Variants in TAFA1 observed in about 807,000 individuals in gnomAD.
TAFA1 encodes the protein TAFA chemokine like family member 1, also known as chemokine-like protein TAFA-1.
Under a neutral mutation model 18.5 loss-of-function variants are expected in TAFA1, and 4 were observed. The ratio of observed to expected loss-of-function variants is 0.22; its 90% CI spans 0.11 to 0.49. The LOEUF (loss-of-function observed/expected upper bound fraction) is 0.49. Ranked by LOEUF, TAFA1 falls within the 20% of genes least tolerant of loss-of-function variation. The pLI is 0.98. For synonymous variants in TAFA1, 56 were observed against 55.2 expected, an observed-to-expected ratio of 1.01 and a Z score of -0.06; for missense variants, 147 against 169.0, an observed-to-expected ratio of 0.87 and a Z score of 0.72.
intron 2 of TAFA1, among the ~76,000 whole-genome samples, chr3:68,121,616 A>G (rs2065399644): frequency 6.6e-6 from 1 of 152,160 alleles, no homozygotes; most frequent in Admixed American, 6.5e-5. Context: ...CTAATTCAAT[A>G]ACATGAGTTT....
chr3:68,257,883 C>T (rs1200096699), intron 2 of TAFA1, among the ~76,000 whole-genome samples: 1 of 152,122 alleles, frequency 6.6e-6, no homozygotes, highest in African/African-American at 2.4e-5. Flanking sequence ...CCTGATTTCA[C>T]CTCTGTGATT....
intron 3 of TAFA1, among the ~76,000 whole-genome samples, chr3:68,426,728 A>T (rs890054510): frequency 1.3e-5 from 2 of 151,938 alleles, no homozygotes; most frequent in African/African-American, 4.8e-5. Context: ...AAGATGATAA[A>T]TAGGAAATTT....
At chr3:68,512,677 GTTTT>G (rs771079407) in intron 3 of TAFA1, among the ~76,000 whole-genome samples, 35 of 110,108 alleles carry the variant, frequency 3.2e-4, no homozygotes, top group South Asian at 2.4e-3. Context: ...TTTTTTGCTG[GTTTT>G]TTGTTTGTTT....
At position 68,324,087 on chromosome 3, in the gene TAFA1, A is replaced by T. The variant is rs114719584; in HGVS notation, c.119-93193A>T. Among the ~76,000 whole-genome samples the T allele has an allele frequency of 5.5e-3, 838 of 152,274 alleles. 8 individuals are homozygous for T. The highest frequency in any genetic ancestry group is 0.014 in the South Asian group (66 of 4,832). Reference sequence around the variant, plus strand: ...ATGCTTTCGATTTTCCAAAGCCCAGATTTCTTCCTGGCAGTGCTGGGCCAT... The same window carrying T: ...ATGCTTTCGATTTTCCAAAGCCCAGTTTTCTTCCTGGCAGTGCTGGGCCAT... On this transcript the variant is annotated intron_variant, in intron 2 of 4. Transcript: ENST00000478136.
chr3:68,091,551 G>A (rs2065029949), intron 2 of TAFA1, among the ~76,000 whole-genome samples: 1 of 152,044 alleles, frequency 6.6e-6, no homozygotes, highest in African/African-American at 2.4e-5. Flanking sequence ...AGCAAACATG[G>A]TATCTGACTT....
At chr3:68,262,062 A>G (rs1025706094) in intron 2 of TAFA1, among the ~76,000 whole-genome samples, 3 of 151,400 alleles carry the variant, frequency 2.0e-5, no homozygotes, top group South Asian at 2.1e-4. Context: ...ATCATTTGTG[A>G]TCCATGTTGA....
chr3:68,502,870 C>G (rs934985597), intron 3 of TAFA1, among the ~76,000 whole-genome samples: 1 of 152,136 alleles, frequency 6.6e-6, no homozygotes. Flanking sequence ...CAGACCAACA[C>G]TCTTACACAA....
chr3:68,143,421 T>G (rs1006331279), intron 2 of TAFA1, among the ~76,000 whole-genome samples: 5 of 152,198 alleles, frequency 3.3e-5, no homozygotes, highest in African/African-American at 1.2e-4. Context: ...ACATTATCCA[T>G]CCTTCTACTA....
intron 2 of TAFA1, among the ~76,000 whole-genome samples, chr3:68,046,307 G>T (rs1705266895): frequency 1.3e-5 from 2 of 152,070 alleles, no homozygotes; most frequent in Admixed American, 1.3e-4. Context: ...CTGATTGTAG[G>T]AGTATAAAAT....
At chr3:68,322,449 C>T (rs568881453) in intron 2 of TAFA1, among the ~76,000 whole-genome samples, 40 of 152,250 alleles carry the variant, frequency 2.6e-4, no homozygotes, top group East Asian at 9.7e-4. Flanking sequence ...AATCCTAAGA[C>T]GTCATTGCAG....
rs2073443497 is a variant in TAFA1 at position 68,545,437 on chromosome 3, T to G, written c.*934T>G. The G allele has an allele frequency of 6.6e-6, 1 of 152,632 alleles. No individual in the cohort carries two copies. The highest frequency in any genetic ancestry group is 2.1e-4 in the South Asian group (1 of 4,832). 9.5% of individuals were successfully genotyped at this position (152,632 alleles called of 1,614,324 possible). ...AAATCCAAAGTCTGGCATCGTTAAC[T>G]ACATAGTGCTGTAGCAACAAGTCTT... On this transcript the variant is annotated 3_prime_UTR_variant, in exon 5 of 5. Coordinates refer to ENST00000478136, the MANE Select transcript of TAFA1 (RefSeq NM_213609.4).
At chr3:68,499,960 T>C (rs2072628944) in intron 3 of TAFA1, among the ~76,000 whole-genome samples, 1 of 151,576 alleles carries the variant, frequency 6.6e-6, no homozygotes, top group African/African-American at 2.4e-5. Context: ...AGACTGCAAG[T>C]ACACGATAAT....
intron 2 of TAFA1, among the ~76,000 whole-genome samples, chr3:68,392,194 A>AT (rs1464929935): frequency 7.0e-6 from 1 of 143,248 alleles, no homozygotes; most frequent in African/African-American, 2.6e-5. Context: ...AAAAAAAAAA[A>AT]AAGTAGGGAT....
intron 2 of TAFA1, among the ~76,000 whole-genome samples, chr3:68,278,879 C>T (rs571411439): frequency 6.6e-6 from 1 of 152,252 alleles, no homozygotes; most frequent in East Asian, 1.9e-4. Context: ...TATCCACACA[C>T]CATGGTTTGT....
intron 3 of TAFA1, among the ~76,000 whole-genome samples, chr3:68,490,385 T>C (rs1253277731): frequency 1.3e-5 from 2 of 149,486 alleles, no homozygotes; most frequent in Non-Finnish European, 3.0e-5. Flanking sequence ...TACTATATTT[T>C]GAGCTTTTAA....
At chr3:68,432,397 C>T (rs1426532295) in intron 3 of TAFA1, among the ~76,000 whole-genome samples, 7 of 151,900 alleles carry the variant, frequency 4.6e-5, no homozygotes, top group Non-Finnish European at 1.0e-4. Context: ...ATATTGTGAG[C>T]CCTCAATTAT....
Position 68,052,226 on chromosome 3 carries a change from A to G in TAFA1, c.118+45482A>G, listed in dbSNP as rs113033720. Among the ~76,000 whole-genome samples, 380 of 152,098 alleles carry G rather than the reference A, an allele frequency of 2.5e-3. 3 individuals carry two copies. The highest frequency in any genetic ancestry group is 8.6e-3 in the African/African-American group (356 of 41,516). On this transcript the variant is annotated intron_variant, in intron 2 of 4. Transcript: ENST00000478136. ...ACCACCATGACCTCTTCTTTCTCTT[A>G]TTTTCTAAGTATTGAGATCTTCTCT...
At position 68,241,054 on chromosome 3, in the gene TAFA1, C is replaced by T. The variant is rs142099671; in HGVS notation, c.119-176226C>T. On this transcript the variant is annotated intron_variant, in intron 2 of 4. Transcript: ENST00000478136. Reference sequence around the variant, plus strand: ...GAAAAACACCACTATAGATATAAATCGTCACAGCATATTTTGGGCTTACCT... The same window carrying T: ...GAAAAACACCACTATAGATATAAATTGTCACAGCATATTTTGGGCTTACCT... Among the ~76,000 whole-genome samples, 341 of 152,182 alleles carry T rather than the reference C, an allele frequency of 2.2e-3. 3 individuals are homozygous for T. The highest frequency in any genetic ancestry group is 2.9e-3 in the Non-Finnish European group (199 of 67,986).
At chr3:68,003,295 T>C (rs535656727), upstream of TAFA1, among the ~76,000 whole-genome samples, 1 of 152,332 alleles carries the variant, frequency 6.6e-6, no homozygotes, top group Admixed American at 6.5e-5. Context: ...CATTGGACCT[T>C]CTTTATTGTG....
Sources: allele counts gnomAD v4.1 joint callset (sites outside exome capture counted in the v4.1 genomes callset), GRCh38; gene constraint gnomAD v4.1.1; transcripts MANE v1.5; gene names NCBI Gene and HGNC (gene_info 2026-07-23, HGNC 2026-07-21).